CDCP2: variants seen among roughly 807,000 people sequenced by gnomAD.
CDCP2 encodes CUB domain containing protein 2.
Under a neutral mutation model 31.0 loss-of-function variants are expected in CDCP2, and 31 were observed. The observed-to-expected ratio is 1.00, with a 90% confidence interval of 0.75 to 1.35. The LOEUF (loss-of-function observed/expected upper bound fraction) is 1.35, where lower values mean the gene tolerates loss of function less well. Ranked by LOEUF, CDCP2 falls within the 40% of genes most tolerant of loss-of-function variation. The pLI is 0.00. For missense variants in CDCP2, 443 were observed against 482.6 expected (o/e 0.92, Z 0.77); for synonymous variants, 206 against 207.9 (o/e 0.99, Z 0.08).
At chr1:54,140,816 T>C (rs753914546) in intron 3 of CDCP2, 9 of 321,220 alleles carry the variant, frequency 2.8e-5, no homozygotes, top group Non-Finnish European at 5.1e-5. Context: ...GAGATTGACA[T>C]GCAAACCACA....
intron 1 of CDCP2, among the ~76,000 whole-genome samples, chr1:54,148,696 C>T (rs1182312337): frequency 2.0e-5 from 3 of 151,248 alleles, no homozygotes; most frequent in Non-Finnish European, 2.9e-5. Context: ...GGGGCTTCAA[C>T]AACAAAAGAT....
chr1:54,150,056 C>T (rs896939818), intron 1 of CDCP2, among the ~76,000 whole-genome samples: 8 of 152,240 alleles, frequency 5.3e-5, no homozygotes, highest in African/African-American at 1.9e-4. Context: ...GTAACCCTCC[C>T]TCCTCTTCCT....
intron 1 of CDCP2, among the ~76,000 whole-genome samples, chr1:54,147,300 A>G (rs988759860): frequency 1.3e-5 from 2 of 151,618 alleles, no homozygotes; most frequent in African/African-American, 2.4e-5. Context: ...TCATTTATCA[A>G]TTTTTTTTAG....
intron 4 of CDCP2, 96 bp downstream of exon 4, chr1:54,139,657 G>A (rs777726727): frequency 2.5e-6 from 4 of 1,612,670 alleles, no homozygotes; most frequent in Non-Finnish European, 2.5e-6. Context: ...GGGGGGGCAG[G>A]ACAAACTGGT....
intron 4 of CDCP2, chr1:54,139,205 T>C: frequency 3.6e-6 from 1 of 278,336 alleles, no homozygotes; most frequent in South Asian, 6.7e-5. Flanking sequence ...GGCAGCCATC[T>C]TGCAGCTGTG....
chr1:54,135,190 T>C (rs1439163956), intron 5 of CDCP2, among the ~76,000 whole-genome samples: 1 of 42,752 alleles, frequency 2.3e-5, no homozygotes, highest in African/African-American at 9.4e-5. Context: ...AGAATGGGGG[T>C]GGGGGGAAGC....
At chr1:54,150,024 C>A (rs1377634364) in intron 1 of CDCP2, among the ~76,000 whole-genome samples, 1 of 152,234 alleles carries the variant, frequency 6.6e-6, no homozygotes, top group African/African-American at 2.4e-5. Context: ...TTAGACACTG[C>A]TCCCCTCCTT....
chr1:54,145,774 C>G (rs1419823221), intron 1 of CDCP2, among the ~76,000 whole-genome samples: 1 of 152,148 alleles, frequency 6.6e-6, no homozygotes, highest in African/African-American at 2.4e-5. Context: ...GGGGAGGAAG[C>G]AGGCATGATG....
intron 1 of CDCP2, among the ~76,000 whole-genome samples, chr1:54,150,865 A>C (rs6667290): frequency 0.15 from 23,506 of 152,286 alleles, 1,938 homozygotes; most frequent in Non-Finnish European, 0.17. Context: ...CTATAAGAGA[A>C]GACACATTCG....
chr1:54,137,894 G>A (rs961390745), intron 4 of CDCP2: 5 of 152,112 alleles, frequency 3.3e-5, no homozygotes, highest in African/African-American at 9.7e-5. Context: ...CGATGATCTC[G>A]GTGGTGCTGA....
chr1:54,139,765 C>G, exon 4 of CDCP2: 1 of 1,614,242 alleles, frequency 6.2e-7, no homozygotes, highest in Non-Finnish European at 8.5e-7. Context: ...CCGATGTAGG[C>G]CACAGAGAAG....
chr1:54,149,333 T>TTTA (rs1462311061), intron 1 of CDCP2, among the ~76,000 whole-genome samples: 2 of 151,950 alleles, frequency 1.3e-5, no homozygotes, highest in Non-Finnish European at 2.9e-5. Flanking sequence ...TTCTGACATA[T>TTTA]TTATGGGTGA....
At chr1:54,142,693 T>C (rs1033864849) in intron 2 of CDCP2, 1 of 152,216 alleles carries the variant, frequency 6.6e-6, no homozygotes, top group Non-Finnish European at 1.5e-5. Flanking sequence ...GGCCCAGCCA[T>C]GTAACTTTAG....
chr1:54,141,586 T>G, intron 2 of CDCP2, 153 bp from the exon 3 acceptor site: 1 of 646,594 alleles, frequency 1.5e-6, no homozygotes, highest in Non-Finnish European at 2.7e-6. Flanking sequence ...AAGTAGCAAG[T>G]GTAGCACGTG....
At chr1:54,150,355 G>A (rs934040188) in intron 1 of CDCP2, among the ~76,000 whole-genome samples, 2 of 152,182 alleles carry the variant, frequency 1.3e-5, no homozygotes, top group African/African-American at 4.8e-5. Flanking sequence ...AGCACTTTGG[G>A]AGGCCAAGGT....
At chr1:54,141,015 G>A (rs1378903722) in intron 3 of CDCP2, 83 bp downstream of exon 3, 26 of 1,188,486 alleles carry the variant, frequency 2.2e-5, no homozygotes, top group Non-Finnish European at 3.0e-5. Flanking sequence ...GGGGCAGAAA[G>A]GTGTGACCCC....
intron 1 of CDCP2, among the ~76,000 whole-genome samples, chr1:54,148,974 A>AAT (rs1553174438): frequency 8.1e-4 from 118 of 146,284 alleles, no homozygotes; most frequent in Middle Eastern, 3.6e-3. Context: ...TTAAAAAAAA[A>AAT]ATATATATAT....
chr1:54,140,858 A>C, intron 3 of CDCP2: 1 of 401,984 alleles, frequency 2.5e-6, no homozygotes, highest in Non-Finnish European at 4.4e-6. Context: ...ATCATAGTGT[A>C]AAAAACTTAT....
exon 6 of CDCP2, chr1:54,133,175 G>C: frequency 2.5e-6 from 1 of 399,142 alleles, no homozygotes. Context: ...ACAGCAGGTG[G>C]ACAGAAGCCT....
Sources: allele counts gnomAD v4.1 joint callset (sites outside exome capture counted in the v4.1 genomes callset), GRCh38; gene constraint gnomAD v4.1.1; transcripts MANE v1.5; gene names NCBI Gene and HGNC (gene_info 2026-07-23, HGNC 2026-07-21).